The following TTC3 variants were observed in gnomAD, a reference collection of about 807,000 sequenced individuals.
TTC3 encodes E3 ubiquitin-protein ligase TTC3.
TTC3 carries 180 observed loss-of-function variants against 249.6 expected under a neutral mutation model. The observed-to-expected ratio is 0.72, with a 90% CI of 0.64 to 0.82. The LOEUF is 0.82. Among genes scored for constraint, TTC3 ranks in the 40% least tolerant of loss-of-function variants. The pLI is 0.00. For synonymous variants in TTC3, 717 were observed against 805.0 expected, an observed-to-expected ratio of 0.89 and a Z score of 1.85; for missense variants, 2,061 against 2,398.4, an observed-to-expected ratio of 0.86 and a Z score of 2.94.
At chr21:37,197,727 T>C in intron 43 of TTC3, 31 bp downstream of exon 43, 1 of 1,539,596 alleles carries the variant, frequency 6.5e-7, no homozygotes, top group Non-Finnish European at 8.7e-7. Context: ...AGTTTATCCT[T>C]ATTTATTTAT....
intron 10 of TTC3, 147 bp downstream of exon 10, chr21:37,096,790 T>A: frequency 1.7e-6 from 1 of 579,936 alleles, no homozygotes; most frequent in Non-Finnish European, 3.0e-6. Context: ...ATGCTTAGGC[T>A]TTATATATAA....
At chr21:37,201,143 G>A (rs777775207) in intron 45 of TTC3, among the ~76,000 whole-genome samples, 9 of 152,216 alleles carry the variant, frequency 5.9e-5, no homozygotes, top group South Asian at 2.1e-4. Flanking sequence ...GGAATTTGGC[G>A]CAGCTGAAGT....
intron 28 of TTC3, 40 bp downstream of exon 28, chr21:37,156,946 T>G: frequency 6.3e-7 from 1 of 1,585,614 alleles, no homozygotes; most frequent in East Asian, 2.2e-5. Flanking sequence ...CATTTAATCT[T>G]AAGGGGGAAA....
chr21:37,195,008 G>C (rs77768019), intron 41 of TTC3: 24 of 152,504 alleles, frequency 1.6e-4, no homozygotes, highest in African/African-American at 5.3e-4. Context: ...TGTCCACGTG[G>C]GAGTTGAGGG....
At chr21:37,170,090 G>A (rs2081621132) in intron 34 of TTC3, among the ~76,000 whole-genome samples, 1 of 152,078 alleles carries the variant, frequency 6.6e-6, no homozygotes, top group African/African-American at 2.4e-5. Context: ...AACAGCATGG[G>A]AAAAAAGAAT....
At chr21:37,088,239 C>A in exon 4 of TTC3, 1 of 1,612,126 alleles carries the variant, frequency 6.2e-7, no homozygotes, top group African/African-American at 1.3e-5. Context: ...CAATTTCTGT[C>A]CTGCAAGATT....
chr21:37,117,494 T>C (rs1601561109), intron 11 of TTC3, among the ~76,000 whole-genome samples: 1 of 152,326 alleles, frequency 6.6e-6, no homozygotes, highest in Middle Eastern at 3.4e-3. Context: ...AATGAATGAA[T>C]GAATGATAGA....
At chr21:37,095,223 A>G (rs2073813045) in intron 8 of TTC3, 127 bp from the exon 9 acceptor site, 4 of 624,636 alleles carry the variant, frequency 6.4e-6, no homozygotes, top group Non-Finnish European at 8.5e-6. Flanking sequence ...CTCATTTTCT[A>G]CATAAATAAT....
At chr21:37,118,434 T>A (rs2835605) in intron 11 of TTC3, among the ~76,000 whole-genome samples, 68,989 of 152,042 alleles carry the variant, frequency 0.45, 16,209 homozygotes, top group Non-Finnish European at 0.52. Flanking sequence ...GAATTTTTCT[T>A]AGCCTCAACA....
At position 37,182,813 on chromosome 21, in the gene TTC3, G is replaced by A. The variant is rs370088879; in HGVS notation, c.4657G>A (p.Glu1553Lys). 514 of 1,593,088 alleles carry A rather than the reference G, an allele frequency of 3.2e-4. No homozygotes were observed. Among genetic ancestry groups the A allele is most frequent in the Non-Finnish European group, 4.2e-4 (494 of 1,173,682 alleles). ...ATTAGATTGGTTCCTTCAAGATTTG[G>A]AAAGAGAAATTAAAAAATGGCAACA... Residue 1553 changes from glutamate to lysine, a missense_variant, in exon 36 of 46, where the codon GAA becomes AAA. Physicochemically the swap from Glu to Lys is moderately conservative, Grantham distance 56 (BLOSUM62 1). This residue lies in a region of TTC3 where 1,040 missense variants were observed against 1,186.1 expected (regional missense o/e 0.88). Coordinates refer to ENST00000355666, the Ensembl canonical transcript of TTC3.
chr21:37,174,993 C>T (rs2082114541), intron 35 of TTC3, among the ~76,000 whole-genome samples: 2 of 151,908 alleles, frequency 1.3e-5, no homozygotes, highest in African/African-American at 4.8e-5. Flanking sequence ...CGGTGGCTCA[C>T]ACCTGTAATC....
At chr21:37,193,398 A>G (rs1341953595) in intron 41 of TTC3, among the ~76,000 whole-genome samples, 1 of 151,782 alleles carries the variant, frequency 6.6e-6, no homozygotes, top group East Asian at 1.9e-4. Context: ...AAAAAGTGTG[A>G]CCACCCTGAA....
chr21:37,099,998 C>T (rs1227216732), intron 10 of TTC3, among the ~76,000 whole-genome samples: 2 of 152,200 alleles, frequency 1.3e-5, no homozygotes, highest in African/African-American at 2.4e-5. Flanking sequence ...GATTTGTACA[C>T]TGTGATGCCA....
At chr21:37,156,029 ATTGT>A (rs909211518) in intron 27 of TTC3, among the ~76,000 whole-genome samples, 9 of 131,428 alleles carry the variant, frequency 6.8e-5, no homozygotes, top group Non-Finnish European at 6.3e-5. Flanking sequence ...TAGTGAAAAC[ATTGT>A]TTGGGTTTGT....
chr21:37,081,949 C>G (rs1419072980), intron 1 of TTC3: 2 of 151,714 alleles, frequency 1.3e-5, no homozygotes, highest in Non-Finnish European at 2.9e-5. Context: ...ACTGCAAGCT[C>G]CGCCTCCCGG....
intron 9 of TTC3, 83 bp downstream of exon 9, chr21:37,095,527 G>T: frequency 1.1e-6 from 1 of 901,508 alleles, no homozygotes; most frequent in Non-Finnish European, 1.7e-6. Flanking sequence ...AAAACAAGAC[G>T]GAGAATTGGA....
intron 10 of TTC3, 47 bp downstream of exon 10, chr21:37,096,690 C>T: frequency 7.0e-7 from 1 of 1,429,046 alleles, no homozygotes; most frequent in Non-Finnish European, 9.7e-7. Flanking sequence ...ATGCTAAATA[C>T]CCATTTTTGG....
rs764430636 is a variant in TTC3, at chr21:37,147,492, G to A, written c.1905G>A (p.Glu635=). ...TTATTTTGTTTTAGATGCTGTTAGA[G>A]AAATTTGTTGAAGAATGCAAGTTCC... Residue 635 remains glutamate (E), a synonymous_variant, in exon 22 of 46, where the codon GAG becomes GAA. Coordinates refer to ENST00000355666, the Ensembl canonical transcript of TTC3. The A allele has an allele frequency of 1.3e-5, 21 of 1,606,316 alleles. 1 individual carries two copies. In the Middle Eastern group the frequency reaches 2.0e-3, roughly 155 times the overall value.
In TTC3 at chr21:37,156,040, TTG is replaced by T. The variant is rs869266037; in HGVS notation, c.2741-613_2741-612del. Among the ~76,000 whole-genome samples, 289 of 106,738 alleles carry T rather than the reference TTG, an allele frequency of 2.7e-3. 2 individuals carry two copies. The highest frequency in any genetic ancestry group is 8.0e-3 in the African/African-American group (203 of 25,398). 70.0% of individuals were successfully genotyped at this position (106,738 alleles called of 152,430 possible). A position where few individuals can be genotyped will look rare whatever the true frequency, so the allele number is the denominator to read the frequency against. On this transcript the variant is annotated intron_variant, in intron 27 of 45. Transcript: ENST00000355666. ...GAATTAGTGAAAACATTGTTTGGGT[TTG>T]TTTTTTTTTTTAGAGATAGGGTCTT...
Sources: gnomAD v4.1 joint callset for allele counts (sites outside exome capture counted in the v4.1 genomes callset) on GRCh38, gnomAD v4.1.1 for gene constraint, gnomAD v4.1.1 regional missense constraint, MANE v1.5 for transcripts, NCBI Gene and HGNC (gene_info 2026-07-23, HGNC 2026-07-21) for gene names.